The following NOTCH2NLR variants were observed in gnomAD, a reference collection of about 807,000 sequenced individuals.
The protein encoded by NOTCH2NLR is notch 2 N-terminal like R (pseudogene).
Under a neutral mutation model 35.6 loss-of-function variants are expected in NOTCH2NLR, and 33 were observed. The ratio of observed to expected loss-of-function variants is 0.93; its 90% CI spans 0.70 to 1.24. NOTCH2NLR has a LOEUF of 1.24. NOTCH2NLR is among the 50% of genes most tolerant of loss of function. NOTCH2NLR has a pLI of 0.00. For synonymous variants in NOTCH2NLR, 103 were observed against 141.0 expected, an observed-to-expected ratio of 0.73 and a Z score of 1.91; for missense variants, 276 against 362.2, an observed-to-expected ratio of 0.76 and a Z score of 1.93.
chr1:120,793,892 T>A, downstream of NOTCH2NLR: 1 of 437,674 alleles, frequency 2.3e-6, no homozygotes, highest in South Asian at 2.2e-5. Context: ...TAACAGTAGG[T>A]GATCAACTTT....
Position 120,783,830 on chromosome 1 carries a change from T to C in NOTCH2NLR, c.156-1144T>C, listed in dbSNP as rs1256071660. Among the ~76,000 whole-genome samples, 5 of 110,724 alleles carry C rather than the reference T, an allele frequency of 4.5e-5. 1 individual carries two copies. The highest frequency in any genetic ancestry group is 8.5e-5 in the Non-Finnish European group (5 of 58,784). The allele number at this position is 110,724 out of a possible 152,430, so 72.6% of individuals were successfully genotyped here. ...GTTTTGAGTTAGACAGAGGGAGTCA[T>C]AGAAGCCAAGGTAAAATGATTAAAA... On this transcript the variant is annotated intron_variant, in intron 2 of 4. Transcript: ENST00000624419.
chr1:120,790,222 G>A lies in NOTCH2NLR; in HGVS notation c.416-2939G>A, dbSNP rs1286222177. 1.0e-4 allele frequency among the ~76,000 whole-genome samples: 11 copies of A among 105,270 alleles called. 3 individuals carry two copies. Among genetic ancestry groups the A allele is most frequent in the Non-Finnish European group, 1.9e-4 (11 of 56,768 alleles). The allele number at this position is 105,270 out of a possible 152,430, so 69.1% of individuals were successfully genotyped here. ...GTAGAGATGGGCTTTCACCTTGTTA[G>A]CCAGAATGGTCTGGATCGCCTGACC... On this transcript the variant is annotated intron_variant, in intron 3 of 4. Transcript: ENST00000624419.
rs1651478492 is a variant in NOTCH2NLR at position 120,790,568 on chromosome 1, CTTT to C, written c.416-2592_416-2590del. Reference sequence around the variant, plus strand: ...TCTTTCTTTCTTTCTTTCTTTCTTTCTTTCTTTCTTTCTTTCTTTCTTTCTCTT... The same window carrying C: ...TCTTTCTTTCTTTCTTTCTTTCTTTCCTTTCTTTCTTTCTTTCTTTCTCTT... On this transcript the variant is annotated intron_variant, in intron 3 of 4. Coordinates refer to ENST00000624419, the Ensembl canonical transcript of NOTCH2NLR. Among the ~76,000 whole-genome samples, 2 of 103,216 alleles carry C rather than the reference CTTT, an allele frequency of 1.9e-5. 1 individual carries two copies. The highest frequency in any genetic ancestry group is 3.6e-5 in the Non-Finnish European group (2 of 56,054). 67.7% of individuals were successfully genotyped at this position (103,216 alleles called of 152,430 possible). A position where few individuals can be genotyped will look rare whatever the true frequency, so the allele number is the denominator to read the frequency against.
chr1:120,769,702 C>T lies in NOTCH2NLR; in HGVS notation c.155+5993C>T, dbSNP rs1263088189. On this transcript the variant is annotated intron_variant, in intron 2 of 4. Transcript: ENST00000624419. ...TATGTGTACCACATATAACAGATAA[C>T]TCAAGTCTGTGGTAGTAGTTGCAGT... Among the ~76,000 whole-genome samples, 12 of 117,152 alleles carry T rather than the reference C, an allele frequency of 1.0e-4. 2 individuals are homozygous for T. The highest frequency in any genetic ancestry group is 1.6e-4 in the Non-Finnish European group (10 of 60,758). 76.9% of individuals were successfully genotyped at this position (117,152 alleles called of 152,430 possible).
chr1:120,765,317 A>T (rs1233722111), intron 2 of NOTCH2NLR, among the ~76,000 whole-genome samples: 2 of 57,362 alleles, frequency 3.5e-5, no homozygotes, highest in Non-Finnish European at 6.0e-5. Context: ...TTATTCTGTT[A>T]TGCAACTCTT....
Position 120,783,695 on chromosome 1 carries a change from A to G in NOTCH2NLR, c.156-1279A>G, listed in dbSNP as rs1651391151. Among the ~76,000 whole-genome samples the G allele has an allele frequency of 1.7e-5, 2 of 116,850 alleles. 1 individual carries two copies. Among genetic ancestry groups the G allele is most frequent in the Non-Finnish European group, 3.3e-5 (2 of 61,058 alleles). The allele number at this position is 116,850 out of a possible 152,430, so 76.7% of individuals were successfully genotyped here. A position where few individuals can be genotyped will look rare whatever the true frequency, so the allele number is the denominator to read the frequency against. Reference sequence around the variant, plus strand: ...TGTTTAAAACCAAGTGAACAACAGTAACAAATGCATTTGAGAGAAAGAGCA... The same window carrying G: ...TGTTTAAAACCAAGTGAACAACAGTGACAAATGCATTTGAGAGAAAGAGCA... On this transcript the variant is annotated intron_variant, in intron 2 of 4. Coordinates refer to ENST00000624419, the Ensembl canonical transcript of NOTCH2NLR.
intron 1 of NOTCH2NLR, among the ~76,000 whole-genome samples, chr1:120,759,776 A>C (rs1651113683): frequency 4.3e-5 from 5 of 116,012 alleles, no homozygotes. Flanking sequence ...TGCTAATACA[A>C]TGTAGAACAA....
rs1368452150 is a variant in NOTCH2NLR at position 120,761,199 on chromosome 1, A to G, written c.74-2429A>G. ...TGTATTTCTCTGAACCTGTCACTGT[A>G]ATGATTTGTCAGGACACTTAATAGG... On this transcript the variant is annotated intron_variant, in intron 1 of 4. Coordinates refer to ENST00000624419, the Ensembl canonical transcript of NOTCH2NLR. Among the ~76,000 whole-genome samples, 3 of 124,346 alleles carry G rather than the reference A, an allele frequency of 2.4e-5. 1 individual carries two copies. The Admixed American group carries it at 2.5e-4, about 10-fold the overall frequency. The allele number at this position is 124,346 out of a possible 152,430, so 81.6% of individuals were successfully genotyped here. A position where few individuals can be genotyped will look rare whatever the true frequency, so the allele number is the denominator to read the frequency against.
chr1:120,728,036 A>G (rs2101341583), intron 1 of NOTCH2NLR, among the ~76,000 whole-genome samples: 1 of 118,540 alleles, frequency 8.4e-6, no homozygotes, highest in Non-Finnish European at 1.6e-5. Flanking sequence ...ATTAGAGTTG[A>G]GACTAGAATT....
In NOTCH2NLR at chr1:120,728,474, C is replaced by G. The variant is rs1245477017; in HGVS notation, c.73+4224C>G. ...GTGTGGGGTTTCTTTCTTTCTTTTT[C>G]TGATCACTTCTGCAATTTATAAATC... On this transcript the variant is annotated intron_variant, in intron 1 of 4. Coordinates refer to ENST00000624419, the Ensembl canonical transcript of NOTCH2NLR. 5.2e-5 allele frequency among the ~76,000 whole-genome samples: 6 copies of G among 114,354 alleles called. 3 individuals carry two copies. Among genetic ancestry groups the G allele is most frequent in the African/African-American group, 3.1e-4 (6 of 19,078 alleles). 75.0% of individuals were successfully genotyped at this position (114,354 alleles called of 152,430 possible).
intron 1 of NOTCH2NLR, among the ~76,000 whole-genome samples, chr1:120,752,548 ATATATATTTT>A (rs1365491172): frequency 8.9e-5 from 1 of 11,276 alleles, no homozygotes; most frequent in African/African-American, 4.6e-4. Context: ...ATATATATAT[ATATATATTTT>A]TTTTTTTTTT....
At chr1:120,764,507 A>T in intron 2 of NOTCH2NLR, among the ~76,000 whole-genome samples, 2 of 60,538 alleles carry the variant, frequency 3.3e-5, no homozygotes, top group African/African-American at 1.1e-4. Context: ...ATTGAGGGGG[A>T]GCAGGGGCTT....
chr1:120,752,519 A>AATAT (rs1204399606), intron 1 of NOTCH2NLR, among the ~76,000 whole-genome samples: 193 of 14,644 alleles, frequency 0.013, 3 homozygotes, highest in African/African-American at 0.041. Context: ...GAAGTTCAGG[A>AATAT]ATATATATAT....
rs1650999807 is a variant in NOTCH2NLR, at chr1:120,749,344, AG to A, written c.74-14283del. 2.6e-5 allele frequency among the ~76,000 whole-genome samples: 2 copies of A among 76,392 alleles called. 1 individual carries two copies. Among genetic ancestry groups the A allele is most frequent in the African/African-American group, 2.4e-4 (2 of 8,424 alleles). 50.1% of individuals were successfully genotyped at this position (76,392 alleles called of 152,430 possible). A position where few individuals can be genotyped will look rare whatever the true frequency, so the allele number is the denominator to read the frequency against. ...AGTTGGAGAGAAGCAGACCAGATGA[AG>A]AAAATACTTTATCTCTTATGGCATT... On this transcript the variant is annotated intron_variant, in intron 1 of 4. Transcript: ENST00000624419.
chr1:120,777,418 T>G (rs1452412021), intron 2 of NOTCH2NLR, among the ~76,000 whole-genome samples: 1 of 87,970 alleles, frequency 1.1e-5, no homozygotes, highest in African/African-American at 8.1e-5. Context: ...GTAGTCTTTG[T>G]GTATTAGTTG....
chr1:120,793,328 G>A lies in NOTCH2NLR; in HGVS notation c.583G>A (p.Gly195Ser). The A allele has an allele frequency of 5.7e-6, 8 of 1,405,028 alleles. 1 individual carries two copies. The highest frequency in any genetic ancestry group is 7.6e-6 in the Non-Finnish European group (8 of 1,047,106). 87.0% of individuals were successfully genotyped at this position (1,405,028 alleles called of 1,614,324 possible). The change falls in exon 4 of 5, where the codon GGT (glycine) becomes AGT (serine). Residue 195 changes from glycine to serine, a missense_variant. By Grantham distance (56) the Gly-to-Ser change is moderately conservative. Transcript: ENST00000624419. ...TGACATTCCAGGACACTGCCAGCAT[G>A]GTGGCACCTGCCTCAACCTGCCTGG...
intron 4 of NOTCH2NLR, 24 bp downstream of exon 4, chr1:120,793,520 G>A: frequency 8.8e-7 from 1 of 1,136,284 alleles, no homozygotes; most frequent in East Asian, 2.5e-5. Context: ...TAGTGTCCCA[G>A]GATTAGGGGA....
At chr1:120,770,301 C>A (rs1383933784) in intron 2 of NOTCH2NLR, among the ~76,000 whole-genome samples, 1 of 107,742 alleles carries the variant, frequency 9.3e-6, no homozygotes, top group Non-Finnish European at 1.7e-5. Flanking sequence ...TCTCAAGTAG[C>A]CGGGACTATA....
chr1:120,760,451 G>A (rs1651124566), intron 1 of NOTCH2NLR, among the ~76,000 whole-genome samples: 1 of 126,256 alleles, frequency 7.9e-6, no homozygotes, highest in Non-Finnish European at 1.6e-5. Context: ...GGGATTATAG[G>A]CGTGAGCCAC....
Sources: allele counts gnomAD v4.1 joint callset (sites outside exome capture counted in the v4.1 genomes callset), GRCh38; gene constraint gnomAD v4.1.1; transcripts MANE v1.5; gene names NCBI Gene and HGNC (gene_info 2026-07-23, HGNC 2026-07-21).